ADAM10: variants seen among roughly 807,000 people sequenced by gnomAD.
ADAM10 encodes disintegrin and metalloproteinase domain-containing protein 10.
ADAM10 carries 17 observed loss-of-function variants against 90.1 expected under a neutral mutation model. That is an observed-to-expected ratio of 0.19 (90% confidence interval 0.13 to 0.28). ADAM10 has a LOEUF of 0.28. Ranked by LOEUF, ADAM10 falls within the 10% of genes least tolerant of loss-of-function variation. The pLI is 1.00. For synonymous variants in ADAM10, 310 were observed against 298.6 expected (o/e 1.04, Z -0.40); for missense variants, 610 against 914.3 (o/e 0.67, Z 4.29).
chr15:58,607,569 T>C (rs1895312783), intron 14 of ADAM10, among the ~76,000 whole-genome samples: 1 of 152,208 alleles, frequency 6.6e-6, no homozygotes, highest in South Asian at 2.1e-4. Context: ...GCTCTAAATC[T>C]TTCATTCATA....
At chr15:58,626,326 T>A (rs1895943625) in intron 10 of ADAM10, among the ~76,000 whole-genome samples, 1 of 152,166 alleles carries the variant, frequency 6.6e-6, no homozygotes, top group Non-Finnish European at 1.5e-5. Flanking sequence ...ATTATCTCAA[T>A]AAAATTTCAA....
intron 2 of ADAM10, chr15:58,686,470 G>C (rs1897606429): frequency 7.2e-7 from 1 of 1,395,588 alleles, no homozygotes. Context: ...TCAAGTTGGA[G>C]GCTGGCGTGG....
chr15:58,721,834 C>T (rs1181978904), intron 1 of ADAM10, among the ~76,000 whole-genome samples: 1 of 152,094 alleles, frequency 6.6e-6, no homozygotes, highest in Non-Finnish European at 1.5e-5. Flanking sequence ...TCAAGACTAG[C>T]CTGGCCAACA....
chr15:58,680,376 G>C (rs1260864094), intron 3 of ADAM10, among the ~76,000 whole-genome samples: 9 of 152,142 alleles, frequency 5.9e-5, no homozygotes, highest in Non-Finnish European at 1.2e-4. Flanking sequence ...ACCTGCCTCG[G>C]CCTCCTAAAG....
intron 1 of ADAM10, among the ~76,000 whole-genome samples, chr15:58,728,791 T>C (rs1438334239): frequency 1.3e-5 from 2 of 152,132 alleles, no homozygotes; most frequent in African/African-American, 4.8e-5. Context: ...ATCTTCTCAG[T>C]AAAATAAATG....
intron 3 of ADAM10, among the ~76,000 whole-genome samples, chr15:58,681,276 G>A (rs1178532548): frequency 6.6e-6 from 1 of 152,066 alleles, no homozygotes; most frequent in African/African-American, 2.4e-5. Flanking sequence ...ATCTACTGAT[G>A]AAAAACGCTT....
At chr15:58,642,476 A>C (rs921970892) in intron 7 of ADAM10, among the ~76,000 whole-genome samples, 4 of 152,112 alleles carry the variant, frequency 2.6e-5, no homozygotes, top group Admixed American at 6.5e-5. Context: ...AAAAAAAAAA[A>C]CAAATTGCAT....
At chr15:58,642,077 A>G (rs1896431176) in intron 7 of ADAM10, among the ~76,000 whole-genome samples, 1 of 152,238 alleles carries the variant, frequency 6.6e-6, no homozygotes, top group Non-Finnish European at 1.5e-5. Flanking sequence ...TATGTTACAG[A>G]TAGTCCATGC....
chr15:58,694,482 G>C (rs752991318), intron 2 of ADAM10, among the ~76,000 whole-genome samples: 1 of 152,014 alleles, frequency 6.6e-6, no homozygotes, highest in Admixed American at 6.6e-5. Flanking sequence ...AAGGCCAGGC[G>C]AGTTGGCTAG....
intron 1 of ADAM10, among the ~76,000 whole-genome samples, chr15:58,729,790 C>G (rs900139952): frequency 6.6e-5 from 10 of 152,002 alleles, no homozygotes; most frequent in Non-Finnish European, 2.9e-5. Flanking sequence ...TGGCGAAACA[C>G]CGTCTCTAGT....
intron 1 of ADAM10, among the ~76,000 whole-genome samples, chr15:58,723,889 T>C (rs192602045): frequency 1.3e-5 from 2 of 152,062 alleles, no homozygotes; most frequent in African/African-American, 4.8e-5. Context: ...ACAAACGACA[T>C]TTGGAAACAA....
intron 14 of ADAM10, among the ~76,000 whole-genome samples, chr15:58,602,258 G>C (rs139098668): frequency 1.1e-3 from 167 of 152,164 alleles, no homozygotes; most frequent in African/African-American, 3.9e-3. Flanking sequence ...GATTTATCCT[G>C]TTCTTTCCCT....
At chr15:58,608,982 T>C (rs1895359298) in intron 14 of ADAM10, among the ~76,000 whole-genome samples, 1 of 152,172 alleles carries the variant, frequency 6.6e-6, no homozygotes, top group Non-Finnish European at 1.5e-5. Flanking sequence ...GTATACCAAA[T>C]TTCAACTTTT....
chr15:58,734,966 C>A (rs1217023614), intron 1 of ADAM10, among the ~76,000 whole-genome samples: 1 of 152,204 alleles, frequency 6.6e-6, no homozygotes, highest in African/African-American at 2.4e-5. Context: ...CTACCTCAGT[C>A]AGACATCACA....
intron 2 of ADAM10, chr15:58,707,255 G>GC (rs1170665789): frequency 1.3e-5 from 2 of 151,454 alleles, no homozygotes; most frequent in Non-Finnish European, 2.9e-5. Flanking sequence ...GTGGTGGCGT[G>GC]CCCCTGTAAT....
intron 2 of ADAM10, chr15:58,691,523 G>GT (rs1220054012): frequency 3.5e-6 from 2 of 567,606 alleles, no homozygotes; most frequent in Non-Finnish European, 6.9e-6. Context: ...ACTGGAAGGT[G>GT]TGAGACCACA....
chr15:58,713,366 A>G (rs1898538583), intron 2 of ADAM10, among the ~76,000 whole-genome samples: 1 of 152,128 alleles, frequency 6.6e-6, no homozygotes, highest in Non-Finnish European at 1.5e-5. Context: ...TCAGCCTCCC[A>G]AAGTGCTGGG....
intron 2 of ADAM10, chr15:58,692,364 T>C (rs1198894676): frequency 1.7e-6 from 1 of 600,878 alleles, no homozygotes; most frequent in Admixed American, 1.9e-5. Context: ...TCTGGTTTAG[T>C]TCTTCCCGAT....
chr15:58,674,563 C>T lies in ADAM10; in HGVS notation c.484+4561G>A, dbSNP rs1897270733. ...CAAACAATGCTAGCTATTATCAATA[C>T]TTACCAATTCAATTATTCTTCCCTC... On this transcript the variant is annotated intron_variant, in intron 4 of 15. Coordinates refer to ENST00000260408, the MANE Select transcript of ADAM10 (RefSeq NM_001110.4). Among the ~76,000 whole-genome samples, 3 of 152,310 alleles carry T rather than the reference C, an allele frequency of 2.0e-5. No individual in the cohort carries two copies. The South Asian group carries it at 6.2e-4, about 32-fold the overall frequency.
Sources: allele counts gnomAD v4.1 joint callset (sites outside exome capture counted in the v4.1 genomes callset), GRCh38; gene constraint gnomAD v4.1.1; transcripts MANE v1.5; gene names NCBI Gene and HGNC (gene_info 2026-07-23, HGNC 2026-07-21).